PRKG1: variants seen among roughly 807,000 people sequenced by gnomAD.
PRKG1 encodes the protein cGMP-dependent protein kinase 1.
A neutral mutation model predicts 88.1 loss-of-function variants in PRKG1; 35 were observed. The observed-to-expected ratio is 0.40, with a 90% CI of 0.30 to 0.53. PRKG1 has a LOEUF of 0.53. Ranked by LOEUF, PRKG1 falls within the 20% of genes least tolerant of loss-of-function variation. The probability of loss-of-function intolerance (pLI) is 0.59; values close to 1 mark genes in which losing one functional copy is unlikely to be tolerated. For synonymous variants in PRKG1, 303 were observed against 292.5 expected, an observed-to-expected ratio of 1.04 and a Z score of -0.37; for missense variants, 540 against 839.8, an observed-to-expected ratio of 0.64 and a Z score of 4.41.
intron 3 of PRKG1, among the ~76,000 whole-genome samples, chr10:51,477,574 C>A (rs563526573): frequency 6.6e-6 from 1 of 151,944 alleles, no homozygotes; most frequent in East Asian, 1.9e-4. Flanking sequence ...AAGGACCCAC[C>A]TTATGACTGT....
At chr10:51,330,145 A>T (rs7076134) in intron 2 of PRKG1, among the ~76,000 whole-genome samples, 29 of 96,654 alleles carry the variant, frequency 3.0e-4, no homozygotes, top group African/African-American at 9.2e-4. Flanking sequence ...TTATTTATTT[A>T]TTTTTTATTT....
At chr10:52,260,386 A>G (rs1227921517) in intron 10 of PRKG1, among the ~76,000 whole-genome samples, 1 of 152,168 alleles carries the variant, frequency 6.6e-6, no homozygotes, top group Non-Finnish European at 1.5e-5. Context: ...TATAACTGCA[A>G]TGCAAAACCT....
intron 7 of PRKG1, among the ~76,000 whole-genome samples, chr10:52,130,165 C>T (rs1837216900): frequency 6.6e-6 from 1 of 152,124 alleles, no homozygotes; most frequent in African/African-American, 2.4e-5. Context: ...GTTTTTCCCC[C>T]CAATGTGATG....
intron 5 of PRKG1, among the ~76,000 whole-genome samples, chr10:52,030,112 A>G (rs1422422891): frequency 6.6e-6 from 1 of 152,204 alleles, no homozygotes; most frequent in African/African-American, 2.4e-5. Flanking sequence ...CAAAGACAGC[A>G]TATAATCCAC....
chr10:51,812,573 A>C (rs985050986), intron 4 of PRKG1, among the ~76,000 whole-genome samples: 2 of 152,112 alleles, frequency 1.3e-5, no homozygotes, highest in African/African-American at 2.4e-5. Context: ...CAGACCACCA[A>C]CGAGTGACCA....
chr10:51,978,701 C>T (rs1352298938), intron 5 of PRKG1, among the ~76,000 whole-genome samples: 1 of 151,684 alleles, frequency 6.6e-6, no homozygotes, highest in African/African-American at 2.4e-5. Flanking sequence ...TATTCCTAGG[C>T]GTTTTATTTT....
At chr10:51,710,079 A>G (rs931569423) in intron 3 of PRKG1, among the ~76,000 whole-genome samples, 1 of 152,232 alleles carries the variant, frequency 6.6e-6, no homozygotes, top group Non-Finnish European at 1.5e-5. Context: ...AATGTGAACG[A>G]AAATGTGACT....
At chr10:51,561,521 C>T (rs1837461055) in intron 3 of PRKG1, among the ~76,000 whole-genome samples, 1 of 152,018 alleles carries the variant, frequency 6.6e-6, no homozygotes, top group Admixed American at 6.6e-5. Context: ...ACAGCCCTTC[C>T]ATGTTTGTTT....
chr10:51,229,925 TCAAAAA>T (rs1838790955), intron 2 of PRKG1, among the ~76,000 whole-genome samples: 1 of 15,258 alleles, frequency 6.6e-5, no homozygotes, highest in Admixed American at 9.2e-4. Flanking sequence ...TGAGGCGATC[TCAAAAA>T]AAAAAAAAAA....
At position 52,023,491 on chromosome 10, in the gene PRKG1, A is replaced by T. The variant is rs537927497; in HGVS notation, c.763-30993A>T. On this transcript the variant is annotated intron_variant, in intron 5 of 17. Coordinates refer to ENST00000373980, the MANE Select transcript of PRKG1 (RefSeq NM_006258.4). ...TTCTAGATCCTTGAGGAATCGCCACACTCTCTTCCACAATGGTTGAATTAG... is the reference window on the plus strand; with the variant it reads ...TTCTAGATCCTTGAGGAATCGCCACTCTCTCTTCCACAATGGTTGAATTAG... 6.6e-5 allele frequency among the ~76,000 whole-genome samples: 10 copies of T among 152,218 alleles called. 1 individual carries two copies. The South Asian group carries it at 2.1e-3, about 32-fold the overall frequency.
intron 2 of PRKG1, among the ~76,000 whole-genome samples, chr10:51,460,275 A>G (rs1249681216): frequency 1.3e-5 from 2 of 152,174 alleles, no homozygotes; most frequent in Admixed American, 1.3e-4. Flanking sequence ...AAAAATAAAA[A>G]TCACATTAAG....
At chr10:51,885,273 T>C (rs1841540429) in intron 4 of PRKG1, among the ~76,000 whole-genome samples, 1 of 152,228 alleles carries the variant, frequency 6.6e-6, no homozygotes, top group Admixed American at 6.5e-5. Flanking sequence ...GTTGTTATTG[T>C]TGTTATTGCT....
Position 51,973,232 on chromosome 10 carries a change from A to G in PRKG1, c.762+65662A>G, listed in dbSNP as rs1843751532. The stretch of plus-strand genomic sequence containing the variant: ...TGTTGCTATGAACCAAGGTGAAATG[A>G]TCTGCCTCACATTCCAGCAAGCTAC... On this transcript the variant is annotated intron_variant, in intron 5 of 17. Coordinates refer to ENST00000373980, the MANE Select transcript of PRKG1 (RefSeq NM_006258.4). 2.6e-5 allele frequency among the ~76,000 whole-genome samples: 4 copies of G among 152,190 alleles called. No individual in the cohort carries two copies. In the South Asian group the frequency reaches 8.3e-4, roughly 32 times the overall value.
intron 5 of PRKG1, among the ~76,000 whole-genome samples, chr10:52,031,570 A>G (rs75309653): frequency 0.034 from 5,197 of 152,292 alleles, 174 homozygotes; most frequent in African/African-American, 0.091. Context: ...TGTCATGAAT[A>G]TTAGTGTTTT....
chr10:51,678,837 T>A (rs2132364033), intron 3 of PRKG1, among the ~76,000 whole-genome samples: 1 of 152,316 alleles, frequency 6.6e-6, no homozygotes, highest in South Asian at 2.1e-4. Context: ...TGGCTGGATG[T>A]TCCACACAAA....
intron 2 of PRKG1, among the ~76,000 whole-genome samples, chr10:51,460,309 T>C (rs763389939): frequency 5.3e-5 from 8 of 152,114 alleles, no homozygotes; most frequent in African/African-American, 9.7e-5. Flanking sequence ...CTGATAGTGA[T>C]TGTAGTACTC....
intron 1 of PRKG1, among the ~76,000 whole-genome samples, chr10:50,992,889 G>A (rs914902586): frequency 6.6e-6 from 1 of 152,084 alleles, no homozygotes; most frequent in Non-Finnish European, 1.5e-5. Context: ...CTTCATGCCC[G>A]CCTACCTCTC....
At chr10:52,209,618 G>A (rs1210752752) in intron 9 of PRKG1, among the ~76,000 whole-genome samples, 1 of 151,908 alleles carries the variant, frequency 6.6e-6, no homozygotes, top group African/African-American at 2.4e-5. Flanking sequence ...TATGTTTTTT[G>A]CCAGAAGTCA....
At chr10:51,066,233 C>T (rs1027195729) in intron 1 of PRKG1, among the ~76,000 whole-genome samples, 2 of 152,086 alleles carry the variant, frequency 1.3e-5, no homozygotes, top group African/African-American at 4.8e-5. Flanking sequence ...CCATTGTAGT[C>T]CTTCCTTGAA....
Sources: allele counts gnomAD v4.1 joint callset (sites outside exome capture counted in the v4.1 genomes callset), GRCh38; gene constraint gnomAD v4.1.1; transcripts MANE v1.5; gene names NCBI Gene and HGNC (gene_info 2026-07-23, HGNC 2026-07-21).